Variants in DOCK3 observed in about 807,000 individuals in gnomAD.
The protein encoded by DOCK3 is dedicator of cytokinesis protein 3.
In DOCK3, 60 loss-of-function variants were observed where a neutral mutation model predicts 265.6. The observed-to-expected ratio is 0.23, with a 90% CI of 0.18 to 0.28. The LOEUF is 0.28. Among genes scored for constraint, DOCK3 ranks in the 10% least tolerant of loss-of-function variants. DOCK3 has a pLI of 1.00. For synonymous variants in DOCK3, 881 were observed against 938.0 expected, an observed-to-expected ratio of 0.94 and a Z score of 1.11; for missense variants, 1,981 against 2,594.3, an observed-to-expected ratio of 0.76 and a Z score of 5.14.
At chr3:51,189,623 G>C (rs767666244) in intron 12 of DOCK3, among the ~76,000 whole-genome samples, 11 of 152,064 alleles carry the variant, frequency 7.2e-5, no homozygotes, top group Non-Finnish European at 1.2e-4. Context: ...AGTATTCCAT[G>C]GTGTATATAT....
At chr3:50,939,687 A>G (rs1423811763) in intron 5 of DOCK3, among the ~76,000 whole-genome samples, 1 of 152,172 alleles carries the variant, frequency 6.6e-6, no homozygotes, top group Non-Finnish European at 1.5e-5. Context: ...CCCATTCATG[A>G]TAACAACTCT....
At chr3:50,887,126 A>C (rs1477184893) in intron 3 of DOCK3, among the ~76,000 whole-genome samples, 2 of 152,088 alleles carry the variant, frequency 1.3e-5, no homozygotes, top group Non-Finnish European at 2.9e-5. Context: ...CAAGACTAAT[A>C]AAGAAGAAAA....
intron 5 of DOCK3, among the ~76,000 whole-genome samples, chr3:51,033,522 A>G (rs1251326217): frequency 6.6e-6 from 1 of 152,244 alleles, no homozygotes; most frequent in Non-Finnish European, 1.5e-5. Flanking sequence ...ATGCTTCAGG[A>G]TATAGATCAT....
intron 5 of DOCK3, among the ~76,000 whole-genome samples, chr3:51,050,868 A>G (rs1383133279): frequency 6.6e-6 from 1 of 152,226 alleles, no homozygotes; most frequent in Non-Finnish European, 1.5e-5. Flanking sequence ...AGTCAAGTTA[A>G]CATATTAACC....
At chr3:51,373,586 G>A (rs1278863814) in intron 49 of DOCK3, among the ~76,000 whole-genome samples, 1 of 152,212 alleles carries the variant, frequency 6.6e-6, no homozygotes, top group African/African-American at 2.4e-5. Context: ...ACAAGTTCCT[G>A]GACCTACGGC....
At chr3:50,699,807 C>T (rs938378462) in intron 1 of DOCK3, among the ~76,000 whole-genome samples, 1 of 152,152 alleles carries the variant, frequency 6.6e-6, no homozygotes, top group African/African-American at 2.4e-5. Flanking sequence ...AAGTCTACTA[C>T]TGAAGCTGAT....
At chr3:51,019,935 C>A (rs1277293744) in intron 5 of DOCK3, among the ~76,000 whole-genome samples, 1 of 151,670 alleles carries the variant, frequency 6.6e-6, no homozygotes, top group Non-Finnish European at 1.5e-5. Context: ...CTGCAGTGAA[C>A]ATATATGTGC....
At position 51,292,673 on chromosome 3, in the gene DOCK3, G is replaced by A. The variant is rs1031606818; in HGVS notation, c.2922+12469G>A. 3.3e-5 allele frequency among the ~76,000 whole-genome samples: 5 copies of A among 152,080 alleles called. No individual in the cohort carries two copies. The East Asian group carries it at 9.6e-4, about 29-fold the overall frequency. Reference sequence around the variant, plus strand: ...GTATTTTTAAAAAACAAAATACTTAGGGGTTAAAAAATTTTTTTTCTTGAG... The same window carrying A: ...GTATTTTTAAAAAACAAAATACTTAAGGGTTAAAAAATTTTTTTTCTTGAG... On this transcript the variant is annotated intron_variant, in intron 27 of 52. Coordinates refer to ENST00000266037, the MANE Select transcript of DOCK3 (RefSeq NM_004947.5).
At chr3:51,068,950 A>C (rs1243860392) in intron 6 of DOCK3, among the ~76,000 whole-genome samples, 1 of 152,234 alleles carries the variant, frequency 6.6e-6, no homozygotes, top group Non-Finnish European at 1.5e-5. Flanking sequence ...AGCTCTCCAC[A>C]TCTAGATAAC....
At chr3:51,355,171 C>T (rs1258561400) in intron 41 of DOCK3, 148 bp downstream of exon 41, 1 of 1,186,796 alleles carries the variant, frequency 8.4e-7, no homozygotes, top group East Asian at 2.6e-5. Flanking sequence ...TTGCTTAGCA[C>T]ACACTTAGCA....
chr3:50,774,223 A>C (rs1366585121), intron 1 of DOCK3, among the ~76,000 whole-genome samples: 1 of 152,034 alleles, frequency 6.6e-6, no homozygotes. Flanking sequence ...ATTTTTATAC[A>C]CATTTCAGAA....
intron 2 of DOCK3, among the ~76,000 whole-genome samples, chr3:50,815,136 A>G (rs1022058469): frequency 2.0e-5 from 3 of 152,120 alleles, no homozygotes; most frequent in African/African-American, 7.2e-5. Context: ...TTTTATTTTT[A>G]TAGATTCACT....
intron 19 of DOCK3, among the ~76,000 whole-genome samples, chr3:51,236,113 C>T (rs1057507187): frequency 1.3e-5 from 2 of 152,182 alleles, no homozygotes; most frequent in African/African-American, 4.8e-5. Context: ...CAGGAAGAGC[C>T]TCTCTAAGTC....
At chr3:50,811,757 A>G (rs983021114) in intron 2 of DOCK3, among the ~76,000 whole-genome samples, 1 of 152,204 alleles carries the variant, frequency 6.6e-6, no homozygotes, top group Non-Finnish European at 1.5e-5. Flanking sequence ...TGAATAAAAA[A>G]GAATAGAATA....
At chr3:50,726,118 A>C (rs986325666) in intron 1 of DOCK3, among the ~76,000 whole-genome samples, 4 of 152,160 alleles carry the variant, frequency 2.6e-5, no homozygotes, top group African/African-American at 9.6e-5. Context: ...GTATAATGCT[A>C]TGTACATAGT....
intron 12 of DOCK3, among the ~76,000 whole-genome samples, chr3:51,195,757 C>A (rs925339262): frequency 6.6e-6 from 1 of 151,994 alleles, no homozygotes; most frequent in Admixed American, 6.6e-5. Flanking sequence ...CATCCTTTCA[C>A]TTCCAGGTTT....
intron 3 of DOCK3, among the ~76,000 whole-genome samples, chr3:50,889,453 T>G (rs1287169245): frequency 6.6e-6 from 1 of 151,594 alleles, no homozygotes; most frequent in Non-Finnish European, 1.5e-5. Context: ...ATTGGAAAAC[T>G]GATGTGGTTT....
chr3:50,929,166 T>C (rs1413545376), intron 4 of DOCK3, among the ~76,000 whole-genome samples: 2 of 152,248 alleles, frequency 1.3e-5, no homozygotes, highest in Non-Finnish European at 2.9e-5. Flanking sequence ...CTTCATGTGT[T>C]GCAGAATTTG....
intron 4 of DOCK3, among the ~76,000 whole-genome samples, chr3:50,894,155 C>T (rs1300659316): frequency 6.6e-6 from 1 of 151,826 alleles, no homozygotes; most frequent in East Asian, 1.9e-4. Context: ...CCAAAGAAAT[C>T]CATGCTGAGA....
Sources: allele counts gnomAD v4.1 joint callset (sites outside exome capture counted in the v4.1 genomes callset), GRCh38; gene constraint gnomAD v4.1.1; transcripts MANE v1.5; gene names NCBI Gene and HGNC (gene_info 2026-07-23, HGNC 2026-07-21).